MICU1: variants seen among roughly 807,000 people sequenced by gnomAD.
The protein encoded by MICU1 is mitochondrial calcium uptake 1, also known as calcium uptake protein 1, mitochondrial.
In MICU1, 45 loss-of-function variants were observed where a neutral mutation model predicts 56.8. The observed-to-expected ratio is 0.79, with a 90% confidence interval of 0.62 to 1.02. The LOEUF (loss-of-function observed/expected upper bound fraction) is 1.02. MICU1 is among the 50% of genes least tolerant of loss of function. The pLI, the probability that MICU1 is intolerant of heterozygous loss-of-function variation, is 0.00. For missense variants in MICU1, 504 were observed against 587.1 expected (o/e 0.86, Z 1.46); for synonymous variants, 186 against 195.1 (o/e 0.95, Z 0.39).
At chr10:72,594,603 T>C (rs1413358617) in intron 1 of MICU1, among the ~76,000 whole-genome samples, 6 of 151,988 alleles carry the variant, frequency 3.9e-5, no homozygotes, top group African/African-American at 1.5e-4. Context: ...ACACTATCAA[T>C]GGAGTAAAAA....
At chr10:72,432,642 A>G (rs1864578342) in intron 8 of MICU1, among the ~76,000 whole-genome samples, 1 of 152,146 alleles carries the variant, frequency 6.6e-6, no homozygotes, top group African/African-American at 2.4e-5. Flanking sequence ...AGTAAAGAGG[A>G]AAAGAGAGGG....
At chr10:72,560,507 G>A (rs1426534490) in intron 3 of MICU1, 2 of 152,208 alleles carry the variant, frequency 1.3e-5, no homozygotes, top group Non-Finnish European at 2.9e-5. Flanking sequence ...AGCATTTTAA[G>A]AGGTGCAATC....
At chr10:72,373,714 A>G (rs1165949219) in intron 11 of MICU1, among the ~76,000 whole-genome samples, 2 of 152,200 alleles carry the variant, frequency 1.3e-5, no homozygotes, top group Non-Finnish European at 2.9e-5. Flanking sequence ...ATTTATTCCC[A>G]TATTTACTTC....
intron 8 of MICU1, among the ~76,000 whole-genome samples, chr10:72,424,042 G>A (rs1864265381): frequency 6.6e-6 from 1 of 152,072 alleles, no homozygotes; most frequent in South Asian, 2.1e-4. Flanking sequence ...GTGGGACTGT[G>A]TCAATGAGCA....
intron 6 of MICU1, among the ~76,000 whole-genome samples, chr10:72,488,050 G>A (rs1430604537): frequency 1.3e-5 from 2 of 151,894 alleles, no homozygotes; most frequent in East Asian, 3.9e-4. Context: ...TACAAAATTA[G>A]CCAGGCGTGG....
At chr10:72,608,197 T>G (rs542706087) in intron 1 of MICU1, among the ~76,000 whole-genome samples, 6 of 152,226 alleles carry the variant, frequency 3.9e-5, no homozygotes, top group Non-Finnish European at 7.4e-5. Flanking sequence ...GCCTCCTGAG[T>G]AGCTGCGATT....
chr10:72,493,675 T>C (rs559367281), intron 6 of MICU1, among the ~76,000 whole-genome samples: 6 of 152,240 alleles, frequency 3.9e-5, no homozygotes, highest in African/African-American at 7.2e-5. Context: ...CTGGTCTTGA[T>C]TGAACTACTG....
At chr10:72,604,668 T>C (rs1841641363) in intron 1 of MICU1, among the ~76,000 whole-genome samples, 1 of 152,162 alleles carries the variant, frequency 6.6e-6, no homozygotes, top group African/African-American at 2.4e-5. Context: ...GATGTTGTCT[T>C]AAACTTTGGG....
intron 1 of MICU1, among the ~76,000 whole-genome samples, chr10:72,580,328 C>T (rs912928442): frequency 6.6e-6 from 1 of 152,004 alleles, no homozygotes; most frequent in Non-Finnish European, 1.5e-5. Context: ...ACAACCCCAC[C>T]CCACTCTACT....
Position 72,566,717 on chromosome 10 carries a change from G to C in MICU1, c.77C>G (p.Pro26Arg), listed in dbSNP as rs200027121. 104 of 1,612,536 alleles carry C rather than the reference G, an allele frequency of 6.4e-5. No homozygotes were observed. The highest frequency in any genetic ancestry group is 8.1e-5 in the Non-Finnish European group (96 of 1,179,352). ...GSRWYHGGSQPIQIRRRLMMV... is the reference protein window; with the variant it reads ...GSRWYHGGSQRIQIRRRLMMV... ...CATTAGTCTTCGCCGGATCTGGATG[G>C]GCTGTGATCCTCCATGGTACCATCG... Residue 26 changes from proline (P) to arginine (R), a missense_variant, in exon 2 of 12, where the codon CCC becomes CGC. Transcript: ENST00000361114.
intron 1 of MICU1, among the ~76,000 whole-genome samples, chr10:72,590,820 A>T (rs1256476648): frequency 2.8e-5 from 4 of 143,352 alleles, no homozygotes; most frequent in South Asian, 2.2e-4. Flanking sequence ...CTCAAAAAAT[A>T]AAATAAATAA....
At chr10:72,457,552 C>G (rs1237669707) in intron 8 of MICU1, among the ~76,000 whole-genome samples, 1 of 152,038 alleles carries the variant, frequency 6.6e-6, no homozygotes, top group Non-Finnish European at 1.5e-5. Context: ...CCACTAGTGC[C>G]TGAGCAGGAG....
At chr10:72,496,430 T>A (rs1164556029) in intron 6 of MICU1, among the ~76,000 whole-genome samples, 1 of 151,860 alleles carries the variant, frequency 6.6e-6, no homozygotes, top group Non-Finnish European at 1.5e-5. Flanking sequence ...GCCTCCTGAA[T>A]AGCTGGGATT....
chr10:72,522,935 C>T (rs929529225), intron 5 of MICU1, among the ~76,000 whole-genome samples: 10 of 152,116 alleles, frequency 6.6e-5, no homozygotes, highest in African/African-American at 2.2e-4. Context: ...AAAGTTTATT[C>T]ATAAGATAGA....
chr10:72,498,698 C>A (rs753112620), intron 6 of MICU1, among the ~76,000 whole-genome samples: 14 of 152,180 alleles, frequency 9.2e-5, no homozygotes, highest in Non-Finnish European at 1.9e-4. Flanking sequence ...AAGGGCAAAC[C>A]TCCTCTCTTC....
chr10:72,430,002 A>C (rs1000252605), intron 8 of MICU1, among the ~76,000 whole-genome samples: 2 of 152,154 alleles, frequency 1.3e-5, no homozygotes, highest in Non-Finnish European at 2.9e-5. Flanking sequence ...AACGTGAATC[A>C]TGTTTGCCTT....
chr10:72,451,245 G>A (rs1291614741), intron 8 of MICU1, among the ~76,000 whole-genome samples: 1 of 151,164 alleles, frequency 6.6e-6, no homozygotes. Context: ...GGATGGTCTC[G>A]ATCTCCTGAC....
chr10:72,565,905 A>C (rs1182038591), intron 2 of MICU1, among the ~76,000 whole-genome samples: 1 of 152,174 alleles, frequency 6.6e-6, no homozygotes, highest in Admixed American at 6.5e-5. Flanking sequence ...ACTGTGGCTC[A>C]CTACATTTTC....
chr10:72,617,763 T>C (rs112048158), intron 1 of MICU1, among the ~76,000 whole-genome samples: 1 of 152,192 alleles, frequency 6.6e-6, no homozygotes, highest in African/African-American at 2.4e-5. Flanking sequence ...GCCCAGGAGT[T>C]TGAAGGTGCA....
Sources: allele counts gnomAD v4.1 joint callset (sites outside exome capture counted in the v4.1 genomes callset), GRCh38; gene constraint gnomAD v4.1.1; transcripts MANE v1.5; gene names NCBI Gene and HGNC (gene_info 2026-07-23, HGNC 2026-07-21).